Variants in FRMD4B observed in about 807,000 individuals in gnomAD.
FRMD4B encodes the protein FERM domain containing 4B, also known as FERM domain-containing protein 4B.
Under a neutral mutation model 141.5 loss-of-function variants are expected in FRMD4B, and 74 were observed. The observed-to-expected ratio is 0.52, with a 90% CI of 0.43 to 0.63. The LOEUF (loss-of-function observed/expected upper bound fraction) is 0.63. Ranked by LOEUF, FRMD4B falls within the 30% of genes least tolerant of loss-of-function variation. The pLI is 0.00. For missense variants in FRMD4B, 1,366 were observed against 1,253.4 expected (o/e 1.09, Z -1.36); for synonymous variants, 506 against 467.9 (o/e 1.08, Z -1.05).
At chr3:69,324,051 C>T (rs1702103015) in intron 1 of FRMD4B, among the ~76,000 whole-genome samples, 3 of 152,048 alleles carry the variant, frequency 2.0e-5, no homozygotes, top group South Asian at 2.1e-4. Flanking sequence ...CAATCACCAT[C>T]CCTTGGCTAC....
intron 21 of FRMD4B, among the ~76,000 whole-genome samples, chr3:69,180,523 A>G (rs2092694657): frequency 6.6e-6 from 1 of 152,154 alleles, no homozygotes. Flanking sequence ...TGTCAACGTA[A>G]ATCCTAAAAA....
Position 69,195,382 on chromosome 3 carries a change from G to C in FRMD4B, c.1235-18C>G, listed in dbSNP as rs1217537513. The C allele has an allele frequency of 6.3e-7, 1 of 1,594,846 alleles. No homozygotes were observed. Among genetic ancestry groups the C allele is most frequent in the Admixed American group, 1.8e-5 (1 of 55,216 alleles). On this transcript the variant is annotated intron_variant, in intron 14 of 22. Transcript: ENST00000398540. ...TTGAGAACCTAGGGGATGAGGGAAG[G>C]GCAGGGAAGGTTTATACAAGGGATG...
In FRMD4B at chr3:69,220,642, A is replaced by G. The variant is rs541372448; in HGVS notation, c.731+1216T>C. Among the ~76,000 whole-genome samples, 23 of 152,312 alleles carry G rather than the reference A, an allele frequency of 1.5e-4. No homozygotes were observed. In the East Asian group the frequency reaches 4.3e-3, roughly 28 times the overall value. ...CGAGTTGGGCAGATCATTTGAGGTCAAGAGTTTGAGATCAGCCAGGCCAAC... is the reference window on the plus strand; with the variant it reads ...CGAGTTGGGCAGATCATTTGAGGTCGAGAGTTTGAGATCAGCCAGGCCAAC... On this transcript the variant is annotated intron_variant, in intron 9 of 22. Coordinates refer to ENST00000398540, the MANE Select transcript of FRMD4B (RefSeq NM_015123.3).
chr3:69,181,540 C>A lies in FRMD4B; in HGVS notation c.2210G>T (p.Ser737Ile), dbSNP rs1313610945. ...TGGTGTCACACAGTAATACTCTGTG[C>A]TTGATTGGCTTGTATAAGAAGACCC... ...DDGSSYTSQS[S>I]TEYYCVTPVT... is the part of the protein sequence containing the mutation. The change falls in exon 21 of 23, where the codon AGC becomes ATC. Residue 737 changes from serine to isoleucine, a missense_variant. Ser to Ile is a moderately radical substitution (Grantham distance 142). Coordinates refer to ENST00000398540, the MANE Select transcript of FRMD4B (RefSeq NM_015123.3). 1.9e-6 allele frequency: 3 copies of A among 1,613,890 alleles called. No homozygotes were observed. In the East Asian group the frequency reaches 6.7e-5, roughly 36 times the overall value.
chr3:69,526,986 T>A (rs1700939544), intron 1 of FRMD4B, among the ~76,000 whole-genome samples: 1 of 152,162 alleles, frequency 6.6e-6, no homozygotes, highest in African/African-American at 2.4e-5. Flanking sequence ...AATTCCCAGG[T>A]CTTTCTTTCC....
chr3:69,311,158 G>A (rs1185474643), intron 3 of FRMD4B, 105 bp downstream of exon 3: 2 of 581,290 alleles, frequency 3.4e-6, no homozygotes, highest in East Asian at 2.8e-5. Flanking sequence ...AGCAGGACAT[G>A]TTCTGAATGC....
intron 2 of FRMD4B, among the ~76,000 whole-genome samples, chr3:69,425,111 A>T (rs571465577): frequency 5.3e-5 from 8 of 152,266 alleles, no homozygotes; most frequent in African/African-American, 1.9e-4. Flanking sequence ...ATGGTTTTTC[A>T]TGGTGTTATT....
intron 1 of FRMD4B, among the ~76,000 whole-genome samples, chr3:69,531,880 T>G (rs1430484955): frequency 6.6e-6 from 1 of 152,232 alleles, no homozygotes; most frequent in Non-Finnish European, 1.5e-5. Context: ...TGAATCAAAC[T>G]TTTGACCTCT....
intron 2 of FRMD4B, among the ~76,000 whole-genome samples, chr3:69,415,024 C>T (rs1269536563): frequency 6.6e-6 from 1 of 151,978 alleles, no homozygotes; most frequent in Non-Finnish European, 1.5e-5. Flanking sequence ...CACCGCCACA[C>T]CTGGCTAATG....
At chr3:69,246,040 T>C (rs9830487) in intron 7 of FRMD4B, among the ~76,000 whole-genome samples, 32,035 of 151,838 alleles carry the variant, frequency 0.21, 3,471 homozygotes, top group African/African-American at 0.24. Context: ...TTTCTCCATG[T>C]TGGCCAGGCT....
At chr3:69,382,000 T>C (rs1213910726) in intron 1 of FRMD4B, among the ~76,000 whole-genome samples, 1 of 152,158 alleles carries the variant, frequency 6.6e-6, no homozygotes, top group Non-Finnish European at 1.5e-5. Context: ...AGGAGCCTTT[T>C]TAGATTTTTG....
At chr3:69,315,830 G>A (rs1701789168) in intron 1 of FRMD4B, among the ~76,000 whole-genome samples, 1 of 152,206 alleles carries the variant, frequency 6.6e-6, no homozygotes, top group African/African-American at 2.4e-5. Context: ...AAAAGCAGGG[G>A]CAACATTTTG....
rs181591729 is a variant in FRMD4B at position 69,183,694 on chromosome 3, G to A, written c.1920-977C>T. 1.6e-3 allele frequency among the ~76,000 whole-genome samples: 241 copies of A among 151,940 alleles called. 2 individuals carry two copies. The highest frequency in any genetic ancestry group is 5.6e-3 in the African/African-American group (231 of 41,436). On this transcript the variant is annotated intron_variant, in intron 19 of 22. Transcript: ENST00000398540. ...AGACAGGGTTTCACCTTGTTAGCCA[G>A]GATGGTCTCGATCTCCTGACCTTGT... is the stretch of plus-strand genomic sequence containing the variant.
chr3:69,494,761 G>A (rs553225925), intron 1 of FRMD4B, among the ~76,000 whole-genome samples: 2 of 152,094 alleles, frequency 1.3e-5, no homozygotes, highest in African/African-American at 4.8e-5. Context: ...GCATGGTGGC[G>A]GGCACCTGTG....
intron 11 of FRMD4B, among the ~76,000 whole-genome samples, chr3:69,205,069 A>AAAAAAAAAAAAAAAAAAG (rs1553700711): frequency 6.6e-6 from 1 of 151,124 alleles, no homozygotes; most frequent in South Asian, 2.1e-4. Flanking sequence ...CAAAAAAAAA[A>AAAAAAAAAAAAAAAAAAG]AAAAAGAAAA....
chr3:69,477,653 G>T (rs1706026788), intron 1 of FRMD4B, among the ~76,000 whole-genome samples: 1 of 152,010 alleles, frequency 6.6e-6, no homozygotes, highest in South Asian at 2.1e-4. Flanking sequence ...AAGGATATTG[G>T]TCTAAAATTC....
intron 1 of FRMD4B, among the ~76,000 whole-genome samples, chr3:69,523,605 TCA>T (rs1310797654): frequency 6.6e-6 from 1 of 152,038 alleles, no homozygotes; most frequent in Non-Finnish European, 1.5e-5. Flanking sequence ...CCCACCTGAG[TCA>T]GCTCCCAACA....
intron 1 of FRMD4B, among the ~76,000 whole-genome samples, chr3:69,507,333 T>A (rs1706613097): frequency 6.6e-6 from 1 of 152,158 alleles, no homozygotes; most frequent in African/African-American, 2.4e-5. Flanking sequence ...TTCTAAGATA[T>A]TTTAGGCATA....
intron 1 of FRMD4B, among the ~76,000 whole-genome samples, chr3:69,351,929 C>G (rs6791625): frequency 1.3e-5 from 2 of 152,214 alleles, no homozygotes; most frequent in Non-Finnish European, 2.9e-5. Flanking sequence ...TTGTCCACCA[C>G]CCATCACCCT....
Sources: allele counts gnomAD v4.1 joint callset (sites outside exome capture counted in the v4.1 genomes callset), GRCh38; gene constraint gnomAD v4.1.1; transcripts MANE v1.5; gene names NCBI Gene and HGNC (gene_info 2026-07-23, HGNC 2026-07-21).